Variants in PAQR4 observed in about 807,000 individuals in gnomAD.
The protein encoded by PAQR4 is progestin and adipoQ receptor family member 4, also known as progestin and adipoQ receptor family member IV.
PAQR4 carries 26 observed loss-of-function variants against 20.9 expected under a neutral mutation model. That is an observed-to-expected ratio of 1.24 (90% confidence interval 0.91 to 1.73). PAQR4 has a LOEUF of 1.73. Ranked by LOEUF, PAQR4 falls within the 40% of genes most tolerant of loss-of-function variation. The pLI is 0.00. For synonymous variants in PAQR4, 193 were observed against 171.6 expected (o/e 1.12, Z -0.97); for missense variants, 400 against 380.1 (o/e 1.05, Z -0.44).
rs369198276 is a variant in PAQR4, at chr16:2,971,318, G to T, written c.328G>T (p.Ala110Ser). The T allele has an allele frequency of 1.9e-6, 3 of 1,612,334 alleles. No individual in the cohort carries two copies. Among genetic ancestry groups the T allele is most frequent in the Non-Finnish European group, 2.5e-6 (3 of 1,180,008 alleles). ...CTTTATGTGCCACCAAGGGGGCAGC[G>T]CTGTGTACGCCCGGCTCCTCGCCCT... Reference protein sequence around the residue: ...HLFMCHQGGSAVYARLLALDM... With the variant: ...HLFMCHQGGSSVYARLLALDM... Residue 110 changes from alanine to serine, a missense_variant, in exon 2 of 3, where the codon GCT (alanine) becomes TCT (serine). Ala to Ser is a moderately conservative substitution (Grantham distance 99). Transcript: ENST00000318782.
rs541066845 is a variant in PAQR4 at position 2,969,579 on chromosome 16, G to C, written c.-96G>C. The C allele has an allele frequency of 3.1e-6, 4 of 1,301,424 alleles. No homozygotes were observed. The highest frequency in any genetic ancestry group is 3.2e-5 in the East Asian group (1 of 31,514). The allele number at this position is 1,301,424 out of a possible 1,614,324, so 80.6% of individuals were successfully genotyped here. A position where few individuals can be genotyped will look rare whatever the true frequency, so the allele number is the denominator to read the frequency against. ...GGGCGATGGGTGGGCGCCGGGCGCCGGGCGCCAGGCAGTGATGGGCCTTCC... is the reference window on the plus strand; with the variant it reads ...GGGCGATGGGTGGGCGCCGGGCGCCCGGCGCCAGGCAGTGATGGGCCTTCC... On this transcript the variant is annotated 5_prime_UTR_variant, in exon 1 of 3. Transcript: ENST00000318782.
At position 2,973,245 on chromosome 16, in the gene PAQR4, T is replaced by C; in HGVS notation, c.*1297T>C. On this transcript the variant is annotated 3_prime_UTR_variant, in exon 3 of 3. Coordinates refer to ENST00000318782, the MANE Select transcript of PAQR4 (RefSeq NM_152341.5). ...AGGAGGGCAGGCGAGACAAGGAGGGTGTCCAGGGCTAGGGAGTGCCGGATG... is the reference window on the plus strand; with the variant it reads ...AGGAGGGCAGGCGAGACAAGGAGGGCGTCCAGGGCTAGGGAGTGCCGGATG... 2 of 1,479,396 alleles carry C rather than the reference T, an allele frequency of 1.4e-6. No individual in the cohort carries two copies. The highest frequency in any genetic ancestry group is 2.4e-5 in the East Asian group (1 of 41,096). 91.6% of individuals were successfully genotyped at this position (1,479,396 alleles called of 1,614,324 possible).
At position 2,971,220 on chromosome 16, in the gene PAQR4, A is replaced by G; in HGVS notation, c.230A>G (p.Lys77Arg). ...PMTMPWGQLG[K>R]DGWLGGTHCV... ...ACCATGCCCTGGGGTCAGCTGGGCA[A>G]GGATGGCTGGCTGGGAGGCACACAT... Residue 77 changes from lysine to arginine, a missense_variant, in exon 2 of 3, where the codon AAG becomes AGG. Coordinates refer to ENST00000318782, the MANE Select transcript of PAQR4 (RefSeq NM_152341.5). 6.2e-7 allele frequency: 1 copy of G among 1,613,390 alleles called. No homozygotes were observed. The highest frequency in any genetic ancestry group is 2.2e-5 in the East Asian group (1 of 44,890).
chr16:2,970,068 C>CT, intron 1 of PAQR4: 1 of 576,134 alleles, frequency 1.7e-6, no homozygotes, highest in African/African-American at 2.0e-5. Context: ...AGAGTAGGGT[C>CT]TGAGCCTGCT....
Position 2,971,272 on chromosome 16 carries a change from A to G in PAQR4, c.282A>G (p.Ala94=). The part of the protein sequence containing the change: ...THCVACLAPP[A]GSVLYHLFMC... ...GCGTGGCCTGCCTTGCACCCCCTGC[A>G]GGCTCCGTGCTCTATCACCTCTTTA... is the stretch of plus-strand genomic sequence containing the variant. The change falls in exon 2 of 3, where the codon GCA becomes GCG. Residue 94 remains alanine, a synonymous_variant. Transcript: ENST00000318782. 6.2e-7 allele frequency: 1 copy of G among 1,613,070 alleles called. No homozygotes were observed. Among genetic ancestry groups the G allele is most frequent in the Non-Finnish European group, 8.5e-7 (1 of 1,180,000 alleles).
rs2072035159 is a variant in PAQR4, at chr16:2,972,864, C to T, written c.*916C>T. 6.5e-7 allele frequency: 1 copy of T among 1,535,304 alleles called. No individual in the cohort carries two copies. ...TTAGACACGGCCAGGCAGAGAAGAC[C>T]ATGGGAGTTCCCGAGGGGCCCCAGC... On this transcript the variant is annotated 3_prime_UTR_variant, in exon 3 of 3. Transcript: ENST00000318782.
Position 2,972,485 on chromosome 16 carries a change from C to G in PAQR4, c.*537C>G, listed in dbSNP as rs1290127539. The stretch of plus-strand genomic sequence containing the variant: ...AAGGACCAAGGGGGCGTGGACCCGT[C>G]TTGTACCAGCTGGCCACAGGCACAA... On this transcript the variant is annotated 3_prime_UTR_variant, in exon 3 of 3. Coordinates refer to ENST00000318782, the MANE Select transcript of PAQR4 (RefSeq NM_152341.5). 9.4e-6 allele frequency: 8 copies of G among 853,238 alleles called. No individual in the cohort carries two copies. The highest frequency in any genetic ancestry group is 1.4e-5 in the Non-Finnish European group (8 of 563,678). 52.9% of individuals were successfully genotyped at this position (853,238 alleles called of 1,614,324 possible).
rs757369836 is a variant in PAQR4, at chr16:2,971,984, AGT to A, written c.*37_*38del. On this transcript the variant is annotated 3_prime_UTR_variant, in exon 3 of 3. Transcript: ENST00000318782. ...CAGCCTGCCCACAGCAGCCTCCTAG[AGT>A]TAGCAACACCAGGTGTTCCTCCCAA... The A allele has an allele frequency of 2.0e-3, 3,102 of 1,519,832 alleles. 45 individuals carry two copies. The African/African-American group carries it at 0.037, about 18-fold the overall frequency. 94.1% of individuals were successfully genotyped at this position (1,519,832 alleles called of 1,614,324 possible). A position where few individuals can be genotyped will look rare whatever the true frequency, so the allele number is the denominator to read the frequency against.
Position 2,972,124 on chromosome 16 carries a change from C to T in PAQR4, c.*176C>T, listed in dbSNP as rs981806333. The T allele has an allele frequency of 3.2e-5, 20 of 633,908 alleles. No homozygotes were observed. The highest frequency in any genetic ancestry group is 5.8e-5 in the East Asian group (2 of 34,680). The allele number at this position is 633,908 out of a possible 1,614,324, so 39.3% of individuals were successfully genotyped here. ...CTGACCTCTTCCACCCACGCCGTGG[C>T]GCTCCAACTTCCTTCCCTGCCTTTT... On this transcript the variant is annotated 3_prime_UTR_variant, in exon 3 of 3. Transcript: ENST00000318782.
In PAQR4 at chr16:2,969,835, C is replaced by A. The variant is rs748665452; in HGVS notation, c.161C>A (p.Thr54Lys). 1.2e-6 allele frequency: 2 copies of A among 1,610,228 alleles called. No individual in the cohort carries two copies. The highest frequency in any genetic ancestry group is 1.7e-6 in the Non-Finnish European group (2 of 1,178,820). ...CACAACGAACTGGGCAACATCTACA[C>A]GCACGGTGAGCCGCGTCCCGCAACG... ...YLHNELGNIYTHGLALLGFLV... is the reference protein window; with the variant it reads ...YLHNELGNIYKHGLALLGFLV... Residue 54 changes from threonine (T) to lysine (K), a missense_variant, in exon 1 of 3, where the codon ACG becomes AAG. Transcript: ENST00000318782.
chr16:2,971,473 C>A, intron 2 of PAQR4, 42 bp from the exon 3 acceptor site: 1 of 1,572,916 alleles, frequency 6.4e-7, no homozygotes, highest in Non-Finnish European at 8.6e-7. Context: ...CGGGTGGACC[C>A]TCACAATGAC....
At chr16:2,969,901 G>C (rs1001398623) in intron 1 of PAQR4, 61 bp downstream of exon 1, 2 of 1,591,482 alleles carry the variant, frequency 1.3e-6, no homozygotes, top group Middle Eastern at 1.7e-4. Flanking sequence ...CGTTGGGCCG[G>C]GGGCACTGAG....
Position 2,972,174 on chromosome 16 carries a change from G to GT in PAQR4, c.*227dup. 1 of 573,084 alleles carries GT rather than the reference G, an allele frequency of 1.7e-6. No homozygotes were observed. Among genetic ancestry groups the GT allele is most frequent in the South Asian group, 2.5e-5 (1 of 40,210 alleles). 35.5% of individuals were successfully genotyped at this position (573,084 alleles called of 1,614,324 possible). ...TCCCTCCAAGCTCCTATTTTACTGT[G>GT]TCAGCTGGAAGGAAACCTTTCCCTC... is the stretch of plus-strand genomic sequence containing the variant. On this transcript the variant is annotated 3_prime_UTR_variant, in exon 3 of 3. Coordinates refer to ENST00000318782, the MANE Select transcript of PAQR4 (RefSeq NM_152341.5).
In PAQR4 at chr16:2,971,264, C is replaced by G; in HGVS notation, c.274C>G (p.Pro92Ala). ...GGTHCVACLA[P>A]PAGSVLYHLF... ...CACACATTGCGTGGCCTGCCTTGCA[C>G]CCCCTGCAGGCTCCGTGCTCTATCA... The change falls in exon 2 of 3, where the codon CCC becomes GCC. Residue 92 changes from proline (P) to alanine (A), a missense_variant. By Grantham distance (27) the Pro-to-Ala change is conservative. Coordinates refer to ENST00000318782, the MANE Select transcript of PAQR4 (RefSeq NM_152341.5). 1 of 1,613,084 alleles carries G rather than the reference C, an allele frequency of 6.2e-7. No individual in the cohort carries two copies. The highest frequency in any genetic ancestry group is 2.2e-5 in the East Asian group (1 of 44,886).
Position 2,971,781 on chromosome 16 carries a change from G to C in PAQR4, c.655G>C (p.Val219Leu). Residue 219 changes from valine (V) to leucine (L), a missense_variant, in exon 3 of 3, where the codon GTA (valine) becomes CTA (leucine). Coordinates refer to ENST00000318782, the MANE Select transcript of PAQR4 (RefSeq NM_152341.5). Reference protein sequence around the residue: ...MDALALLGGLVNVARLPERWG... With the variant: ...MDALALLGGLLNVARLPERWG... ...CGCACTGGCGCTGCTTGGGGGACTGGTAAATGTAGCCCGTCTGCCCGAGCG... is the reference window on the plus strand; with the variant it reads ...CGCACTGGCGCTGCTTGGGGGACTGCTAAATGTAGCCCGTCTGCCCGAGCG... 2 of 1,612,968 alleles carry C rather than the reference G, an allele frequency of 1.2e-6. No homozygotes were observed. The highest frequency in any genetic ancestry group is 1.7e-6 in the Non-Finnish European group (2 of 1,179,906).
In PAQR4 at chr16:2,972,766, C is replaced by T. The variant is rs1015471886; in HGVS notation, c.*818C>T. 1.3e-6 allele frequency: 2 copies of T among 1,539,342 alleles called. No homozygotes were observed. Among genetic ancestry groups the T allele is most frequent in the Non-Finnish European group, 1.7e-6 (2 of 1,146,426 alleles). On this transcript the variant is annotated 3_prime_UTR_variant, in exon 3 of 3. Transcript: ENST00000318782. ...GGGGCGTTAAGACCCTGGATGACAT[C>T]AATAAAGGGACAGGAAGGGCCATGT...
intron 1 of PAQR4, 85 bp downstream of exon 1, chr16:2,969,925 C>T: frequency 6.4e-7 from 1 of 1,557,890 alleles, no homozygotes; most frequent in African/African-American, 1.4e-5. Context: ...GAGGAGGGCC[C>T]CAGCGCCCAA....
At chr16:2,970,866 A>T in intron 1 of PAQR4, 1 of 572,100 alleles carries the variant, frequency 1.7e-6, no homozygotes, top group Non-Finnish European at 3.1e-6. Flanking sequence ...GTCCTCTGCC[A>T]TTGCTTACCT....
chr16:2,973,321 C>A lies in PAQR4; in HGVS notation c.*1373C>A. The A allele has an allele frequency of 6.5e-7, 1 of 1,527,548 alleles. No individual in the cohort carries two copies. The highest frequency in any genetic ancestry group is 1.2e-5 in the South Asian group (1 of 80,190). 94.6% of individuals were successfully genotyped at this position (1,527,548 alleles called of 1,614,324 possible). ...TCCAGGCTCCCGCCTGACAAACAGG[C>A]AGGGAGCCACAGTCAGGGACAATAA... On this transcript the variant is annotated 3_prime_UTR_variant, in exon 3 of 3. Coordinates refer to ENST00000318782, the MANE Select transcript of PAQR4 (RefSeq NM_152341.5).
Sources: gnomAD v4.1 joint callset for allele counts on GRCh38, gnomAD v4.1.1 for gene constraint, MANE v1.5 for transcripts, NCBI Gene and HGNC (gene_info 2026-07-23, HGNC 2026-07-21) for gene names.